PPP2R1B: variants seen among roughly 807,000 people sequenced by gnomAD.
PPP2R1B encodes the protein serine/threonine-protein phosphatase 2A 65 kDa regulatory subunit A beta isoform.
PPP2R1B carries 58 observed loss-of-function variants against 72.7 expected under a neutral mutation model. The observed-to-expected ratio is 0.80, with a 90% CI of 0.65 to 0.99. The LOEUF (loss-of-function observed/expected upper bound fraction) is 0.99. Among genes scored for constraint, PPP2R1B ranks in the 50% least tolerant of loss-of-function variants. The pLI is 0.00. For missense variants in PPP2R1B, 695 were observed against 733.6 expected, an observed-to-expected ratio of 0.95 and a Z score of 0.61; for synonymous variants, 256 against 264.6, an observed-to-expected ratio of 0.97 and a Z score of 0.32.
chr11:111,733,778 G>A (rs1036881390), downstream of PPP2R1B, among the ~76,000 whole-genome samples: 1 of 152,226 alleles, frequency 6.6e-6, no homozygotes, highest in Admixed American at 6.5e-5. Context: ...ATGCTTAGCA[G>A]TGCCCCTGTG....
At chr11:111,708,509 T>C in the PPP2R1B span, among the ~76,000 whole-genome samples, 1 of 152,334 alleles carries the variant, frequency 6.6e-6, no homozygotes, top group East Asian at 1.9e-4. Flanking sequence ...TTAGATCTAA[T>C]TGAGTTGAGA....
the PPP2R1B span, among the ~76,000 whole-genome samples, chr11:111,688,670 TTA>T: frequency 1.3e-5 from 2 of 152,226 alleles, no homozygotes; most frequent in Non-Finnish European, 2.9e-5. The surrounding 1 kb of genome is among the most constrained non-coding windows in gnomAD (Gnocchi z 4.2). Flanking sequence ...TGGGTAGAGA[TTA>T]GTTTGCCTGT....
At chr11:111,765,247 T>C in intron 2 of PPP2R1B, 47 bp downstream of exon 2, 3 of 1,527,402 alleles carry the variant, frequency 2.0e-6, no homozygotes, top group African/African-American at 1.4e-5. Context: ...TGAAAGCTAC[T>C]GGAAAATGGA....
chr11:111,713,591 G>T, the PPP2R1B span, among the ~76,000 whole-genome samples: 1 of 152,148 alleles, frequency 6.6e-6, no homozygotes, highest in Non-Finnish European at 1.5e-5. Context: ...CATGAACTCT[G>T]CCTCTCCAGA....
downstream of PPP2R1B, among the ~76,000 whole-genome samples, chr11:111,733,329 G>A (rs1944249580): frequency 6.6e-6 from 1 of 152,164 alleles, no homozygotes; most frequent in Non-Finnish European, 1.5e-5. Context: ...ACAGTGTCTG[G>A]GAGGGTGGAG....
chr11:111,711,253 G>A, the PPP2R1B span, among the ~76,000 whole-genome samples: 1,882 of 151,974 alleles, frequency 0.012, 42 homozygotes, highest in African/African-American at 0.043. Context: ...CAAGTAGCTG[G>A]GACTACAGGC....
chr11:111,756,284 A>G (rs1045633484), intron 5 of PPP2R1B, among the ~76,000 whole-genome samples: 4 of 151,972 alleles, frequency 2.6e-5, no homozygotes, highest in Admixed American at 6.5e-5. Flanking sequence ...AGTCATAAAG[A>G]TAGAAATGAC....
rs201900204 is a variant in PPP2R1B, at chr11:111,765,383, A to C, written c.116T>G (p.Leu39Arg). Residue 39 changes from leucine (L) to arginine (R), a missense_variant and splice_region_variant, in exon 2 of 15, where the codon CTC becomes CGC. By Grantham distance (102) the Leu-to-Arg change is moderately radical. Transcript: ENST00000527614. ...TAACTTCTTAATACTGTTGAGTCGGAGCTTCAGAAAAGAAAGTAGAAAGAA... is the reference window on the plus strand; with the variant it reads ...TAACTTCTTAATACTGTTGAGTCGGCGCTTCAGAAAAGAAAGTAGAAAGAA... The part of the protein sequence containing the change: ...IDELRNEDVQ[L>R]RLNSIKKLST... The C allele has an allele frequency of 1.4e-4, 224 of 1,605,712 alleles. 1 individual carries two copies. Among genetic ancestry groups the C allele is most frequent in the Non-Finnish European group, 1.8e-4 (212 of 1,176,120 alleles).
chr11:111,754,541 A>G lies in PPP2R1B; in HGVS notation c.987T>C (p.Asp329=), dbSNP rs1430411662. The G allele has an allele frequency of 5.0e-6, 8 of 1,604,768 alleles. No individual in the cohort carries two copies. The highest frequency in any genetic ancestry group is 3.3e-4 in the Middle Eastern group (2 of 6,068). ...KELGENLPIE[D]RETIIMNQIL... ...TTTGATTCATAATTATGGTCTCTCT[A>G]TCTTCAATGGGCAAGTTCTCACCAA... The change falls in exon 8 of 15, where the codon GAT becomes GAC. Residue 329 remains aspartate, a synonymous_variant. Coordinates refer to ENST00000527614, the MANE Select transcript of PPP2R1B (RefSeq NM_002716.5).
At chr11:111,726,741 C>T (rs531215712), downstream of PPP2R1B, 7 of 560,366 alleles carry the variant, frequency 1.2e-5, no homozygotes, top group South Asian at 2.4e-5. Flanking sequence ...GGCTTAGTAT[C>T]GCTCTTTTTC....
At chr11:111,731,685 C>T (rs1388092740) in intron 15 of PPP2R1B, among the ~76,000 whole-genome samples, 2 of 152,210 alleles carry the variant, frequency 1.3e-5, no homozygotes, top group African/African-American at 4.8e-5. Context: ...GTCGGCAGGG[C>T]CCACACTGGC....
intron 10 of PPP2R1B, 100 bp downstream of exon 10, chr11:111,752,059 A>C (rs1555048066): frequency 3.1e-6 from 4 of 1,307,606 alleles, no homozygotes; most frequent in Non-Finnish European, 4.2e-6. Context: ...TCATGCATCT[A>C]AACAAACATA....
intron 7 of PPP2R1B, 74 bp downstream of exon 7, chr11:111,754,906 C>G (rs1945044423): frequency 7.4e-7 from 1 of 1,349,338 alleles, no homozygotes; most frequent in African/African-American, 1.5e-5. Flanking sequence ...GAACAAAAAA[C>G]ATGCAAAATT....
chr11:111,688,609 T>G, the PPP2R1B span, among the ~76,000 whole-genome samples: 1 of 152,224 alleles, frequency 6.6e-6, no homozygotes, highest in Non-Finnish European at 1.5e-5. This position sits in a 1 kb window ranked among gnomAD's most constrained non-coding sequence, Gnocchi z 4.2. Flanking sequence ...GAAAAGCACC[T>G]TTCCTTGATC....
At position 111,741,353 on chromosome 11, in the gene PPP2R1B, C is replaced by A; in HGVS notation, c.*243G>T. On this transcript the variant is annotated 3_prime_UTR_variant, in exon 15 of 15. Transcript: ENST00000527614. ...GATGGATAAAGCATTAGGAGACAAT[C>A]AAGTGTCAGGAATTGGTCAATAAGA... 1 of 1,339,690 alleles carries A rather than the reference C, an allele frequency of 7.5e-7. No homozygotes were observed. Among genetic ancestry groups the A allele is most frequent in the South Asian group, 1.8e-5 (1 of 56,238 alleles). 83.0% of individuals were successfully genotyped at this position (1,339,690 alleles called of 1,614,324 possible).
intron 3 of PPP2R1B, among the ~76,000 whole-genome samples, chr11:111,762,882 C>T (rs183458960): frequency 1.1e-4 from 16 of 152,246 alleles, no homozygotes; most frequent in Middle Eastern, 3.4e-3. Context: ...TGCTTCCAAG[C>T]CTCTGAAACT....
chr11:111,695,610 C>G, the PPP2R1B span, among the ~76,000 whole-genome samples: 43 of 152,286 alleles, frequency 2.8e-4, no homozygotes, highest in East Asian at 8.1e-3. Context: ...GGTCTGGAGA[C>G]CAGCAGCATG....
exon 16 of PPP2R1B, chr11:111,727,052 T>A (rs756907165): frequency 6.2e-7 from 1 of 1,613,908 alleles, no homozygotes; most frequent in Admixed American, 1.7e-5. Flanking sequence ...ACTGATACAC[T>A]GGTCCCTGTA....
Position 111,747,964 on chromosome 11 carries a change from G to C in PPP2R1B, c.1389C>G (p.Leu463=), listed in dbSNP as rs114638268. ...EKLNSLCMAW[L]VDHVYAIREA... is the part of the protein sequence containing the mutation. The stretch of plus-strand genomic sequence containing the variant: ...TTTTTATCTACTCACCATGGTCCAC[G>C]AGCCAAGCCATACATAAAGAATTCA... Residue 463 remains leucine (L), a synonymous_variant, in exon 11 of 15, where the codon CTC becomes CTG. Transcript: ENST00000527614. 1 of 1,612,440 alleles carries C rather than the reference G, an allele frequency of 6.2e-7. No individual in the cohort carries two copies.
Sources: gnomAD v4.1 joint callset for allele counts (sites outside exome capture counted in the v4.1 genomes callset) on GRCh38, gnomAD v4.1.1 for gene constraint, Gnocchi (gnomAD v3.1) non-coding constraint, MANE v1.5 for transcripts, NCBI Gene and HGNC (gene_info 2026-07-23, HGNC 2026-07-21) for gene names.